The following TRDMT1 variants were observed in gnomAD, a reference collection of about 807,000 sequenced individuals.
TRDMT1 encodes the protein tRNA aspartic acid methyltransferase 1.
Under a neutral mutation model 51.2 loss-of-function variants are expected in TRDMT1, and 49 were observed. The ratio of observed to expected loss-of-function variants is 0.96; its 90% CI spans 0.76 to 1.21. TRDMT1 has a LOEUF of 1.21. TRDMT1 is among the 50% of genes most tolerant of loss of function. TRDMT1 has a pLI of 0.00. For synonymous variants in TRDMT1, 187 were observed against 164.6 expected, an observed-to-expected ratio of 1.14 and a Z score of -1.04; for missense variants, 534 against 462.3, an observed-to-expected ratio of 1.16 and a Z score of -1.42.
At position 17,185,674 on chromosome 10, in the gene TRDMT1, T is replaced by C. The variant is rs551235146; in HGVS notation, c.65-11014A>G. ...AACCAACCCAAATGTCCATCAATGATAGACTGGATTAAGAAAATGTGGCAC... is the reference window on the plus strand; with the variant it reads ...AACCAACCCAAATGTCCATCAATGACAGACTGGATTAAGAAAATGTGGCAC... On this transcript the variant is annotated intron_variant, in intron 1 of 10. Coordinates refer to ENST00000377799, the MANE Select transcript of TRDMT1 (RefSeq NM_004412.7). Among the ~76,000 whole-genome samples, 1,243 of 152,238 alleles carry C rather than the reference T, an allele frequency of 8.2e-3. 25 individuals are homozygous for C. The highest frequency in any genetic ancestry group is 0.028 in the African/African-American group (1,174 of 41,540).
At position 17,163,696 on chromosome 10, in the gene TRDMT1, C is replaced by T. The variant is rs556620653; in HGVS notation, c.252-1459G>A. On this transcript the variant is annotated intron_variant, in intron 3 of 10. Transcript: ENST00000377799. ...ATGATAAAGGGGATATCACCACCGA[C>T]CCCACAGAAATACAAACTACCATCA... 2.1e-3 allele frequency among the ~76,000 whole-genome samples: 320 copies of T among 152,112 alleles called. 3 individuals are homozygous for T. The highest frequency in any genetic ancestry group is 7.3e-3 in the African/African-American group (303 of 41,516).
chr10:17,143,031 G>GCCAAAAC lies in TRDMT1; in HGVS notation c.*6008_*6009insGTTTTGG, dbSNP rs957029995. On this transcript the variant is annotated 3_prime_UTR_variant, in exon 11 of 11. Coordinates refer to ENST00000377799, the MANE Select transcript of TRDMT1 (RefSeq NM_004412.7). ...TTGCGCTACTTTCCAAAAGCCAAAA[G>GCCAAAAC]CCTATCCCAGAATTATTTTTTAAAT... The GCCAAAAC allele has an allele frequency of 2.0e-6, 2 of 985,280 alleles. No homozygotes were observed. Among genetic ancestry groups the GCCAAAAC allele is most frequent in the African/African-American group, 1.7e-5 (1 of 57,216 alleles). The allele number at this position is 985,280 out of a possible 1,614,324, so 61.0% of individuals were successfully genotyped here.
chr10:17,169,554 A>T, intron 2 of TRDMT1: 1 of 1,287,992 alleles, frequency 7.8e-7, no homozygotes, highest in Non-Finnish European at 1.0e-6. Context: ...ATCTCAGAAG[A>T]CAAACACAGG....
chr10:17,172,067 A>G (rs1842106010), intron 2 of TRDMT1: 1 of 166,970 alleles, frequency 6.0e-6, no homozygotes, highest in Non-Finnish European at 1.5e-5. Context: ...TTTTTGAAGC[A>G]ATAATGGTCA....
chr10:17,197,593 G>A (rs115121205), intron 1 of TRDMT1, among the ~76,000 whole-genome samples: 1,524 of 152,210 alleles, frequency 0.01, 35 homozygotes, highest in African/African-American at 0.034. Flanking sequence ...AAAAATATTT[G>A]CAAATCATAT....
At position 17,148,801 on chromosome 10, in the gene TRDMT1, C is replaced by A; in HGVS notation, c.*239G>T. ...AAGAATATTCCACATATATATTTAT[C>A]AGTTTCATATGAAAATATACTCTCC... On this transcript the variant is annotated 3_prime_UTR_variant, in exon 11 of 11. Transcript: ENST00000377799. 9.3e-7 allele frequency: 1 copy of A among 1,072,750 alleles called. No homozygotes were observed. Among genetic ancestry groups the A allele is most frequent in the Non-Finnish European group, 1.2e-6 (1 of 868,124 alleles). 66.5% of individuals were successfully genotyped at this position (1,072,750 alleles called of 1,614,324 possible).
rs1355324976 is a variant in TRDMT1, at chr10:17,137,808, T to C, written c.*11232A>G. Among the ~76,000 whole-genome samples the C allele has an allele frequency of 1.4e-5, 2 of 142,560 alleles. No individual in the cohort carries two copies. The highest frequency in any genetic ancestry group is 3.0e-5 in the Non-Finnish European group (2 of 66,444). The allele number at this position is 142,560 out of a possible 152,430, so 93.5% of individuals were successfully genotyped here. ...GAGAGCCACTGCACTCCAGCCTGGG[T>C]GACAGAGCGAAACTCTGCCAAAAAA... On this transcript the variant is annotated 3_prime_UTR_variant, in exon 11 of 11. Transcript: ENST00000377799.
chr10:17,146,012 C>T lies in TRDMT1; in HGVS notation c.*3028G>A. 1 of 985,422 alleles carries T rather than the reference C, an allele frequency of 1.0e-6. No homozygotes were observed. Among genetic ancestry groups the T allele is most frequent in the Non-Finnish European group, 1.2e-6 (1 of 829,960 alleles). 61.0% of individuals were successfully genotyped at this position (985,422 alleles called of 1,614,324 possible). A position where few individuals can be genotyped will look rare whatever the true frequency, so the allele number is the denominator to read the frequency against. ...GGTGATTTCTGCTGAGAACTTCCAC[C>T]CCTACCAATGCGTTGAATTGCCTGC... On this transcript the variant is annotated 3_prime_UTR_variant, in exon 11 of 11. Transcript: ENST00000377799.
chr10:17,198,325 G>A (rs1845719247), intron 1 of TRDMT1, among the ~76,000 whole-genome samples: 1 of 152,086 alleles, frequency 6.6e-6, no homozygotes, highest in Non-Finnish European at 1.5e-5. Flanking sequence ...TTAAAAGTAA[G>A]GACTCAAACA....
chr10:17,162,367 G>T, intron 3 of TRDMT1, 130 bp from the exon 4 acceptor site: 1 of 781,312 alleles, frequency 1.3e-6, no homozygotes, highest in Non-Finnish European at 2.0e-6. Flanking sequence ...CAAAAAATAG[G>T]GTCATCTTTG....
At position 17,162,025 on chromosome 10, in the gene TRDMT1, TAGG is replaced by T. The variant is rs1294119218; in HGVS notation, c.323+138_323+140del. On this transcript the variant is annotated intron_variant, in intron 4 of 10. Coordinates refer to ENST00000377799, the MANE Select transcript of TRDMT1 (RefSeq NM_004412.7). ...TTTGCAGTTACTCTATTAGTCATGG[TAGG>T]AGAAGATAAATGACAGGCCCAATAT... is the stretch of plus-strand genomic sequence containing the variant. 4.0e-6 allele frequency: 3 copies of T among 741,430 alleles called. No individual in the cohort carries two copies. The Middle Eastern group carries it at 7.2e-4, about 179-fold the overall frequency. 45.9% of individuals were successfully genotyped at this position (741,430 alleles called of 1,614,324 possible).
At position 17,146,163 on chromosome 10, in the gene TRDMT1, G is replaced by A. The variant is rs1838087725; in HGVS notation, c.*2877C>T. ...AAAAGTTGGATAATTTCAAGCAACA[G>A]TTTACCCTCAAATTTCTAAAAAAGT... On this transcript the variant is annotated 3_prime_UTR_variant, in exon 11 of 11. Transcript: ENST00000377799. The A allele has an allele frequency of 5.1e-6, 5 of 985,430 alleles. No individual in the cohort carries two copies. The highest frequency in any genetic ancestry group is 6.0e-6 in the Non-Finnish European group (5 of 829,932). 61.0% of individuals were successfully genotyped at this position (985,430 alleles called of 1,614,324 possible). A position where few individuals can be genotyped will look rare whatever the true frequency, so the allele number is the denominator to read the frequency against.
chr10:17,167,304 T>C (rs185498161), intron 3 of TRDMT1, among the ~76,000 whole-genome samples: 3 of 152,314 alleles, frequency 2.0e-5, no homozygotes, highest in East Asian at 1.9e-4. Flanking sequence ...TTATTACATA[T>C]GATATTCTAC....
At chr10:17,150,355 C>A (rs1350101394) in intron 10 of TRDMT1, 1 of 979,722 alleles carries the variant, frequency 1.0e-6, no homozygotes, top group East Asian at 1.1e-4. Context: ...TGGTAAGAGT[C>A]CTTTACCTAT....
chr10:17,162,162 T>C lies in TRDMT1; in HGVS notation c.323+4A>G. The stretch of plus-strand genomic sequence containing the variant: ...TAAGCTTGTACAGGAACCTAAGTTT[T>C]TACCTTGGGAGAATATCTAGAATAT... On this transcript the variant is annotated splice_donor_region_variant and intron_variant, in intron 4 of 10. Transcript: ENST00000377799. The C allele has an allele frequency of 6.2e-7, 1 of 1,603,088 alleles. No individual in the cohort carries two copies. Among genetic ancestry groups the C allele is most frequent in the Non-Finnish European group, 8.5e-7 (1 of 1,175,162 alleles).
chr10:17,201,399 G>C, intron 1 of TRDMT1, 172 bp downstream of exon 1: 1 of 586,832 alleles, frequency 1.7e-6, no homozygotes, highest in Non-Finnish European at 2.9e-6. Flanking sequence ...CGTCTGGAGG[G>C]GTGGACACGG....
intron 3 of TRDMT1, among the ~76,000 whole-genome samples, chr10:17,163,262 G>T (rs980087724): frequency 6.6e-6 from 1 of 152,098 alleles, no homozygotes; most frequent in Non-Finnish European, 1.5e-5. Flanking sequence ...AGATAAGGCA[G>T]AAATGAAGAC....
At chr10:17,156,531 G>T (rs1027797233) in intron 8 of TRDMT1, among the ~76,000 whole-genome samples, 1 of 151,932 alleles carries the variant, frequency 6.6e-6, no homozygotes, top group African/African-American at 2.4e-5. Flanking sequence ...CAGCGTGCCC[G>T]GCCAAAATTT....
At chr10:17,171,003 T>C in intron 2 of TRDMT1, among the ~76,000 whole-genome samples, 1 of 113,772 alleles carries the variant, frequency 8.8e-6, no homozygotes, top group South Asian at 2.6e-4. Flanking sequence ...AGCTAACAGA[T>C]CCACAACTAT....
Sources: gnomAD v4.1 joint callset for allele counts (sites outside exome capture counted in the v4.1 genomes callset) on GRCh38, gnomAD v4.1.1 for gene constraint, MANE v1.5 for transcripts, NCBI Gene and HGNC (gene_info 2026-07-23, HGNC 2026-07-21) for gene names.